NR2C2: variants seen among roughly 807,000 people sequenced by gnomAD.
NR2C2 encodes Nuclear hormone receptor TR4.
In NR2C2, 6 loss-of-function variants were observed where a neutral mutation model predicts 62.9. That is an observed-to-expected ratio of 0.10 (90% confidence interval 0.05 to 0.19). NR2C2 has a LOEUF of 0.19. Ranked by LOEUF, NR2C2 falls within the 10% of genes least tolerant of loss-of-function variation. NR2C2 has a pLI of 1.00. For synonymous variants in NR2C2, 272 were observed against 273.8 expected, an observed-to-expected ratio of 0.99 and a Z score of 0.07; for missense variants, 479 against 762.7, an observed-to-expected ratio of 0.63 and a Z score of 4.38.
At chr3:14,953,119 C>T (rs1203089125) in intron 1 of NR2C2, among the ~76,000 whole-genome samples, 1 of 152,152 alleles carries the variant, frequency 6.6e-6, no homozygotes, top group Non-Finnish European at 1.5e-5. Flanking sequence ...ACTGTTTTTT[C>T]TGTGTTACCC....
intron 1 of NR2C2, among the ~76,000 whole-genome samples, chr3:14,980,518 A>G (rs2040336226): frequency 2.0e-5 from 3 of 152,082 alleles, no homozygotes; most frequent in Middle Eastern, 6.8e-3. Context: ...TATGTGATAC[A>G]TGTATTTCTG....
intron 1 of NR2C2, among the ~76,000 whole-genome samples, chr3:14,990,599 A>G (rs945448484): frequency 2.0e-5 from 3 of 151,874 alleles, no homozygotes; most frequent in African/African-American, 7.3e-5. Context: ...CCCTCAACCA[A>G]CCTCTGGCCT....
At chr3:15,000,800 T>G (rs983547992) in intron 1 of NR2C2, among the ~76,000 whole-genome samples, 3 of 151,176 alleles carry the variant, frequency 2.0e-5, no homozygotes, top group African/African-American at 7.3e-5. Context: ...ACAAATGTCT[T>G]TCTATTTATT....
At chr3:15,002,640 A>G (rs1025037064) in intron 1 of NR2C2, among the ~76,000 whole-genome samples, 1 of 131,778 alleles carries the variant, frequency 7.6e-6, no homozygotes, top group Non-Finnish European at 1.6e-5. Flanking sequence ...AGTGTTCACA[A>G]TATACTTTTT....
chr3:15,010,667 G>A (rs557092907), intron 2 of NR2C2, among the ~76,000 whole-genome samples: 12 of 151,098 alleles, frequency 7.9e-5, no homozygotes, highest in African/African-American at 2.2e-4. Context: ...AGCCAGGATC[G>A]TGCTACTGCA....
chr3:15,048,606 T>C lies in NR2C2; in HGVS notation c.*5598T>C, dbSNP rs1328999013. 2 of 152,670 alleles carry C rather than the reference T, an allele frequency of 1.3e-5. No homozygotes were observed. The highest frequency in any genetic ancestry group is 2.9e-5 in the Non-Finnish European group (2 of 68,044). The allele number at this position is 152,670 out of a possible 1,614,324, so 9.5% of individuals were successfully genotyped here. A position where few individuals can be genotyped will look rare whatever the true frequency, so the allele number is the denominator to read the frequency against. ...AAGTAGTAGACTTTGCATTAAAAAA[T>C]GGCTTTTCTTTAGGAAAGTATAATC... On this transcript the variant is annotated 3_prime_UTR_variant, in exon 14 of 14. Transcript: ENST00000425241.
rs2042375782 is a variant in NR2C2, at chr3:15,044,312, G to T, written c.*1304G>T. 6.6e-6 allele frequency: 1 copy of T among 152,156 alleles called. No individual in the cohort carries two copies. The highest frequency in any genetic ancestry group is 2.4e-5 in the African/African-American group (1 of 41,426). 9.4% of individuals were successfully genotyped at this position (152,156 alleles called of 1,614,324 possible). A position where few individuals can be genotyped will look rare whatever the true frequency, so the allele number is the denominator to read the frequency against. On this transcript the variant is annotated 3_prime_UTR_variant, in exon 14 of 14. Transcript: ENST00000425241. ...TGTTACCAGCACACTGTGCACTTTG[G>T]TTCCCCCAGGTGTGTGCCAGCCGAC... is the stretch of plus-strand genomic sequence containing the variant.
intron 13 of NR2C2, 142 bp from the exon 14 acceptor site, chr3:15,042,690 TGA>T: frequency 1.5e-6 from 1 of 672,520 alleles, no homozygotes; most frequent in Non-Finnish European, 2.5e-6. Flanking sequence ...GAGGAACTGT[TGA>T]AATCAGAAAA....
intron 2 of NR2C2, among the ~76,000 whole-genome samples, chr3:15,008,557 A>G (rs2041257244): frequency 6.6e-6 from 1 of 152,066 alleles, no homozygotes; most frequent in Non-Finnish European, 1.5e-5. Flanking sequence ...GGGTACTCAA[A>G]CAAAAGTTAT....
intron 1 of NR2C2, among the ~76,000 whole-genome samples, chr3:14,977,405 T>G (rs1395444933): frequency 3.3e-5 from 5 of 152,182 alleles, no homozygotes; most frequent in Non-Finnish European, 5.9e-5. Context: ...TGTTATTGCT[T>G]CTTCAATTTT....
chr3:14,967,806 C>G (rs980722397), intron 1 of NR2C2, among the ~76,000 whole-genome samples: 5 of 152,266 alleles, frequency 3.3e-5, no homozygotes, highest in Non-Finnish European at 5.9e-5. Context: ...ATCAATGCAA[C>G]AGAACAGAGC....
At chr3:14,962,870 C>G (rs2039727782) in intron 1 of NR2C2, among the ~76,000 whole-genome samples, 1 of 152,120 alleles carries the variant, frequency 6.6e-6, no homozygotes, top group African/African-American at 2.4e-5. Flanking sequence ...ATTCAGCAGT[C>G]ATTGACCATT....
intron 1 of NR2C2, among the ~76,000 whole-genome samples, chr3:14,999,867 C>G (rs1293818152): frequency 3.9e-5 from 6 of 151,988 alleles, no homozygotes; most frequent in Admixed American, 6.5e-5. Flanking sequence ...TATGTCTTGT[C>G]TTTATGCCGG....
Position 14,986,012 on chromosome 3 carries a change from T to TC in NR2C2, c.-39-17863dup, listed in dbSNP as rs552814118. On this transcript the variant is annotated intron_variant, in intron 1 of 13. Transcript: ENST00000425241. ...GCAAGAAGTAGCACCATTAACTAGA[T>TC]CAGTTATTAATTCAGCAGGTATGCA... Among the ~76,000 whole-genome samples the TC allele has an allele frequency of 8.5e-4, 129 of 152,238 alleles. 1 individual carries two copies. Among genetic ancestry groups the TC allele is most frequent in the African/African-American group, 2.8e-3 (117 of 41,556 alleles).
In NR2C2 at chr3:15,043,390, TTA is replaced by T; in HGVS notation, c.*385_*386del. On this transcript the variant is annotated 3_prime_UTR_variant, in exon 14 of 14. Transcript: ENST00000425241. ...TATATATATAAAAAAGTCCTTGGAA[TTA>T]TAGATACTAATTACCAGGGTAATAA... 1 of 154,702 alleles carries T rather than the reference TTA, an allele frequency of 6.5e-6. No homozygotes were observed. Among genetic ancestry groups the T allele is most frequent in the South Asian group, 2.1e-4 (1 of 4,852 alleles). 9.6% of individuals were successfully genotyped at this position (154,702 alleles called of 1,614,324 possible). A position where few individuals can be genotyped will look rare whatever the true frequency, so the allele number is the denominator to read the frequency against.
intron 1 of NR2C2, chr3:14,948,858 C>T (rs919159809): frequency 6.6e-6 from 1 of 152,272 alleles, no homozygotes. Flanking sequence ...TCAATTTTAT[C>T]GACTGTAAAT....
intron 1 of NR2C2, among the ~76,000 whole-genome samples, chr3:14,978,201 G>A (rs2040262810): frequency 1.3e-5 from 2 of 152,156 alleles, no homozygotes; most frequent in African/African-American, 4.8e-5. Flanking sequence ...CAGTACAAAT[G>A]TTCCTTAACT....
chr3:14,948,286 T>G (rs2039202943), intron 1 of NR2C2: 1 of 152,492 alleles, frequency 6.6e-6, no homozygotes, highest in Non-Finnish European at 1.5e-5. Flanking sequence ...CAGTCCCTTC[T>G]TCCTTCTCTG....
rs566996921 is a variant in NR2C2 at position 15,002,954 on chromosome 3, G to A, written c.-39-922G>A. On this transcript the variant is annotated intron_variant, in intron 1 of 13. Coordinates refer to ENST00000425241, the MANE Select transcript of NR2C2 (RefSeq NM_001291694.2). Reference sequence around the variant, plus strand: ...ATTACAGGCGTGAGCTACCGCCGCCGACCCACAATACACTTTTTTTTTTTT... The same window carrying A: ...ATTACAGGCGTGAGCTACCGCCGCCAACCCACAATACACTTTTTTTTTTTT... Among the ~76,000 whole-genome samples the A allele has an allele frequency of 2.0e-3, 300 of 147,100 alleles. 1 individual carries two copies. Among genetic ancestry groups the A allele is most frequent in the African/African-American group, 7.0e-3 (282 of 40,208 alleles).
Sources: gnomAD v4.1 joint callset for allele counts (sites outside exome capture counted in the v4.1 genomes callset) on GRCh38, gnomAD v4.1.1 for gene constraint, MANE v1.5 for transcripts, NCBI Gene and HGNC (gene_info 2026-07-23, HGNC 2026-07-21) for gene names.